Variants in USP49 observed in about 807,000 individuals in gnomAD.
USP49 encodes ubiquitin carboxyl-terminal hydrolase 49.
USP49 carries 24 observed loss-of-function variants against 58.6 expected under a neutral mutation model. That is an observed-to-expected ratio of 0.41 (90% CI 0.30 to 0.58). The LOEUF (loss-of-function observed/expected upper bound fraction) is 0.58, where lower values mean the gene tolerates loss of function less well. Among genes scored for constraint, USP49 ranks in the 20% least tolerant of loss-of-function variants. The pLI, the probability that USP49 is intolerant of heterozygous loss-of-function variation, is 0.30. For synonymous variants in USP49, 408 were observed against 365.1 expected (o/e 1.12, Z -1.34); for missense variants, 703 against 866.1 (o/e 0.81, Z 2.36).
rs1034164332 is a variant in USP49, at chr6:41,807,048, AGAAAAC to A, written c.-28-43_-28-38del. Reference sequence around the variant, plus strand: ...GAGTCCCCAAAAAAGAAAAAGAAAAAGAAAACACTTTTAGAAAAATATTTTCCTTAA... The same window carrying A: ...GAGTCCCCAAAAAAGAAAAAGAAAAAACTTTTAGAAAAATATTTTCCTTAA... On this transcript the variant is annotated intron_variant, in intron 3 of 7. Coordinates refer to ENST00000682992, the MANE Select transcript of USP49 (RefSeq NM_001286554.2). The A allele has an allele frequency of 1.9e-5, 25 of 1,331,166 alleles. No individual in the cohort carries two copies. In the African/African-American group the frequency reaches 3.4e-4, roughly 18 times the overall value. 82.5% of individuals were successfully genotyped at this position (1,331,166 alleles called of 1,614,324 possible).
chr6:41,855,261 T>A (rs1344046294), intron 3 of USP49, among the ~76,000 whole-genome samples: 2 of 151,406 alleles, frequency 1.3e-5, no homozygotes, highest in Non-Finnish European at 2.9e-5. Flanking sequence ...ACGCCTGTAA[T>A]CTCAGCACTT....
Position 41,803,713 on chromosome 6 carries a change from T to C in USP49, c.1561+93A>G, listed in dbSNP as rs1773059817. ...CTTTAGAACCATTCAATATCATTAGTGTTACTTTTGACTAAAGAGGACAAA... is the reference window on the plus strand; with the variant it reads ...CTTTAGAACCATTCAATATCATTAGCGTTACTTTTGACTAAAGAGGACAAA... On this transcript the variant is annotated intron_variant, in intron 5 of 7. Transcript: ENST00000682992. The surrounding 1 kb of genome is among the most constrained non-coding windows in gnomAD (Gnocchi z 4.1). 7.6e-7 allele frequency: 1 copy of C among 1,320,802 alleles called. No individual in the cohort carries two copies. The highest frequency in any genetic ancestry group is 1.9e-5 in the Admixed American group (1 of 53,490). The allele number at this position is 1,320,802 out of a possible 1,614,324, so 81.8% of individuals were successfully genotyped here. A position where few individuals can be genotyped will look rare whatever the true frequency, so the allele number is the denominator to read the frequency against.
At chr6:41,864,375 C>T (rs1450007998) in intron 3 of USP49, among the ~76,000 whole-genome samples, 2 of 152,126 alleles carry the variant, frequency 1.3e-5, no homozygotes, top group East Asian at 1.9e-4. Flanking sequence ...CCGGCCTGGT[C>T]AACATGGTGA....
chr6:41,805,875 G>A lies in USP49; in HGVS notation c.1109C>T (p.Ser370Phe). Residue 370 changes from serine to phenylalanine, a missense_variant, in exon 4 of 8, where the codon TCC (serine) becomes TTC (phenylalanine). Coordinates refer to ENST00000682992, the MANE Select transcript of USP49 (RefSeq NM_001286554.2). ...GGGCGACACTAGGGCCCACTTCCCG[G>A]ACCACATGACTCGGAAGAGGGTGTG... is the stretch of plus-strand genomic sequence containing the variant. ...ELHTLFRVMW[S>F]GKWALVSPFA... The A allele has an allele frequency of 6.2e-7, 1 of 1,614,020 alleles. No individual in the cohort carries two copies. The highest frequency in any genetic ancestry group is 8.5e-7 in the Non-Finnish European group (1 of 1,180,022).
chr6:41,821,878 A>G lies in USP49; in HGVS notation c.-28-14867T>C, dbSNP rs143988026. Among the ~76,000 whole-genome samples, 282 of 152,222 alleles carry G rather than the reference A, an allele frequency of 1.9e-3. 1 individual carries two copies. Among genetic ancestry groups the G allele is most frequent in the African/African-American group, 6.6e-3 (275 of 41,526 alleles). ...CAAAAATTATATATTTAAAAATCCA[A>G]TATTTTTGTTTTTCTGACCCCAGTC... On this transcript the variant is annotated intron_variant, in intron 3 of 7. Coordinates refer to ENST00000682992, the MANE Select transcript of USP49 (RefSeq NM_001286554.2).
At chr6:41,816,568 C>T (rs1261421161) in intron 3 of USP49, among the ~76,000 whole-genome samples, 1 of 152,064 alleles carries the variant, frequency 6.6e-6, no homozygotes, top group East Asian at 1.9e-4. Flanking sequence ...CTTTAAGCAT[C>T]ATTTAAATAC....
chr6:41,888,111 G>A (rs1020823664), intron 2 of USP49, among the ~76,000 whole-genome samples: 4 of 142,038 alleles, frequency 2.8e-5, no homozygotes, highest in African/African-American at 7.8e-5. Context: ...CTGGAATGGA[G>A]TGGCACAATC....
intron 1 of USP49, among the ~76,000 whole-genome samples, chr6:41,894,910 C>T (rs1407056983): frequency 2.6e-5 from 4 of 151,978 alleles, no homozygotes; most frequent in Admixed American, 2.6e-4. Context: ...CGGTTCCCCT[C>T]ATCGCCTCCA....
intron 5 of USP49, among the ~76,000 whole-genome samples, chr6:41,802,456 A>ATTTATTT: frequency 1.4e-5 from 1 of 70,294 alleles, no homozygotes; most frequent in Non-Finnish European, 2.8e-5. Context: ...TTATTTATTT[A>ATTTATTT]TTTATTTATT....
intron 3 of USP49, among the ~76,000 whole-genome samples, chr6:41,858,688 T>C (rs1328414476): frequency 6.6e-6 from 1 of 152,062 alleles, no homozygotes; most frequent in East Asian, 1.9e-4. Flanking sequence ...CCCTCAGATA[T>C]CTACATGGCT....
At chr6:41,834,591 T>C (rs1773693721) in intron 3 of USP49, among the ~76,000 whole-genome samples, 1 of 152,166 alleles carries the variant, frequency 6.6e-6, no homozygotes, top group Non-Finnish European at 1.5e-5. Context: ...CTCTTGAAGC[T>C]GTTCTTGTGA....
At position 41,806,183 on chromosome 6, in the gene USP49, G is replaced by A. The variant is rs554065621; in HGVS notation, c.801C>T (p.Ile267=). ...NLGNTCYMNS[I]LQVLSHLQKF... ...TCTGGAGGTGGCTGAGCACCTGGAG[G>A]ATGGAGTTCATGTAGCAGGTGTTGC... The change falls in exon 4 of 8, where the codon ATC becomes ATT. Residue 267 remains isoleucine, a synonymous_variant. Transcript: ENST00000682992. This position sits in a 1 kb window ranked among gnomAD's most constrained non-coding sequence, Gnocchi z 5.9. 1.2e-6 allele frequency: 2 copies of A among 1,613,244 alleles called. No homozygotes were observed. The highest frequency in any genetic ancestry group is 2.2e-5 in the South Asian group (2 of 91,090).
chr6:41,824,846 A>C (rs1773512179), intron 3 of USP49, among the ~76,000 whole-genome samples: 1 of 152,208 alleles, frequency 6.6e-6, no homozygotes, highest in Non-Finnish European at 1.5e-5. Context: ...GGTCCAAGAG[A>C]ATGTGCTGCA....
intron 6 of USP49, among the ~76,000 whole-genome samples, chr6:41,799,307 A>C (rs960794447): frequency 3.3e-5 from 5 of 152,022 alleles, no homozygotes; most frequent in African/African-American, 9.7e-5. Flanking sequence ...GGTTTTAACC[A>C]TGTTGCCGAG....
intron 3 of USP49, among the ~76,000 whole-genome samples, chr6:41,863,158 C>A (rs948230641): frequency 1.3e-4 from 20 of 152,294 alleles, no homozygotes; most frequent in African/African-American, 4.3e-4. Flanking sequence ...AGATATGGCA[C>A]TCCTATTTAC....
chr6:41,790,034 T>TGG lies in USP49; in HGVS notation c.*6497_*6498dup, dbSNP rs1310213270. The TGG allele has an allele frequency of 6.6e-6, 1 of 150,958 alleles. No individual in the cohort carries two copies. Among genetic ancestry groups the TGG allele is most frequent in the Non-Finnish European group, 1.5e-5 (1 of 67,784 alleles). The allele number at this position is 150,958 out of a possible 1,614,324, so 9.4% of individuals were successfully genotyped here. A position where few individuals can be genotyped will look rare whatever the true frequency, so the allele number is the denominator to read the frequency against. ...CCCAAAACATGGATTTTAATGGAGGTGGTTTGCTTCATTTTAAAAGGGAAA... is the reference window on the plus strand; with the variant it reads ...CCCAAAACATGGATTTTAATGGAGGTGGGGTTTGCTTCATTTTAAAAGGGAAA... On this transcript the variant is annotated 3_prime_UTR_variant, in exon 8 of 8. Coordinates refer to ENST00000682992, the MANE Select transcript of USP49 (RefSeq NM_001286554.2).
chr6:41,882,260 C>T (rs1170404024), intron 2 of USP49, among the ~76,000 whole-genome samples: 4 of 152,088 alleles, frequency 2.6e-5, no homozygotes, highest in African/African-American at 9.7e-5. Context: ...CTAAACATAC[C>T]TACTCTACTA....
At chr6:41,862,778 G>C (rs1172100454) in intron 3 of USP49, among the ~76,000 whole-genome samples, 1 of 151,906 alleles carries the variant, frequency 6.6e-6, no homozygotes, top group Non-Finnish European at 1.5e-5. Context: ...TATTTTGTTT[G>C]ACTTTATTTT....
chr6:41,833,193 T>G (rs1412980699), intron 3 of USP49, among the ~76,000 whole-genome samples: 2 of 151,944 alleles, frequency 1.3e-5, no homozygotes, highest in African/African-American at 4.8e-5. Flanking sequence ...ATTTTTTGTA[T>G]TTTTAGTAGA....
Sources: gnomAD v4.1 joint callset for allele counts (sites outside exome capture counted in the v4.1 genomes callset) on GRCh38, gnomAD v4.1.1 for gene constraint, Gnocchi (gnomAD v3.1) non-coding constraint, MANE v1.5 for transcripts, NCBI Gene and HGNC (gene_info 2026-07-23, HGNC 2026-07-21) for gene names.